Variants in GALNTL6 observed in about 807,000 individuals in gnomAD.
GALNTL6 encodes polypeptide N-acetylgalactosaminyltransferase-like 6.
Under a neutral mutation model 73.7 loss-of-function variants are expected in GALNTL6, and 46 were observed. The ratio of observed to expected loss-of-function variants is 0.62; its 90% confidence interval spans 0.49 to 0.80. GALNTL6 has a LOEUF of 0.80. Among genes scored for constraint, GALNTL6 ranks in the 30% least tolerant of loss-of-function variants. GALNTL6 has a pLI of 0.00. For synonymous variants in GALNTL6, 259 were observed against 263.7 expected, an observed-to-expected ratio of 0.98 and a Z score of 0.17; for missense variants, 604 against 755.0, an observed-to-expected ratio of 0.80 and a Z score of 2.34.
In GALNTL6 at chr4:172,952,147, GCTGCGCAAGCAGCT is replaced by G. The variant is rs1335614617; in HGVS notation, c.1262_1275del (p.Leu421GlnfsTer18). 3 of 1,614,038 alleles carry G rather than the reference GCTGCGCAAGCAGCT, an allele frequency of 1.9e-6. No individual in the cohort carries two copies. Among genetic ancestry groups the G allele is most frequent in the Non-Finnish European group, 2.5e-6 (3 of 1,180,016 alleles). On this transcript the variant is annotated frameshift_variant, in exon 10 of 13. Coordinates refer to ENST00000506823, the MANE Select transcript of GALNTL6 (RefSeq NM_001034845.3). LOFTEE classifies it high-confidence loss of function. ...CGGGGGACATCTCTGCCCAGAAGGAGCTGCGCAAGCAGCTCAAGTGCAAGGACTTCAAATGGTTC... is the reference window on the plus strand; with the variant it reads ...CGGGGGACATCTCTGCCCAGAAGGAGCAAGTGCAAGGACTTCAAATGGTTC...
chr4:172,652,042 G>A (rs1740498184), intron 5 of GALNTL6, among the ~76,000 whole-genome samples: 1 of 152,166 alleles, frequency 6.6e-6, no homozygotes, highest in Admixed American at 6.5e-5. Flanking sequence ...ATACAGAGCT[G>A]CTAATATGAG....
chr4:172,931,284 T>A lies in GALNTL6; in HGVS notation c.1149+16T>A, dbSNP rs750275413. On this transcript the variant is annotated intron_variant, in intron 9 of 12. Transcript: ENST00000506823. ...CCTGGCAAGAGTGAGTAACTCAGCA[T>A]CAGAACAGACTGGGGTTGATATGGC... 22 of 1,425,124 alleles carry A rather than the reference T, an allele frequency of 1.5e-5. No individual in the cohort carries two copies. The highest frequency in any genetic ancestry group is 2.2e-5 in the Non-Finnish European group (22 of 1,007,550). The allele number at this position is 1,425,124 out of a possible 1,614,324, so 88.3% of individuals were successfully genotyped here.
At chr4:172,842,739 T>C (rs1183540096) in intron 7 of GALNTL6, among the ~76,000 whole-genome samples, 4 of 151,308 alleles carry the variant, frequency 2.6e-5, no homozygotes, top group Admixed American at 2.6e-4. Flanking sequence ...AGTAAGAGGG[T>C]TTCTCATATG....
intron 5 of GALNTL6, among the ~76,000 whole-genome samples, chr4:172,642,960 T>A (rs1486552581): frequency 6.6e-6 from 1 of 151,946 alleles, no homozygotes; most frequent in Non-Finnish European, 1.5e-5. Context: ...GGTTAAATTA[T>A]ATAATTTCTG....
rs550989924 is a variant in GALNTL6 at position 172,149,616 on chromosome 4, G to A, written c.139-80040G>A. ...CTGCCACCGCCGAGCCCTGGTTTTC[G>A]CCCAAGTCACCGGGGGATGCTTCCA... On this transcript the variant is annotated intron_variant, in intron 2 of 12. Coordinates refer to ENST00000506823, the MANE Select transcript of GALNTL6 (RefSeq NM_001034845.3). 2.6e-5 allele frequency among the ~76,000 whole-genome samples: 4 copies of A among 152,156 alleles called. No homozygotes were observed. In the East Asian group the frequency reaches 5.8e-4, roughly 22 times the overall value.
intron 7 of GALNTL6, among the ~76,000 whole-genome samples, chr4:172,854,186 C>T (rs1284676540): frequency 6.6e-6 from 1 of 152,162 alleles, no homozygotes; most frequent in East Asian, 1.9e-4. Context: ...GAGGAAGACT[C>T]CCCTCCTCGT....
intron 10 of GALNTL6, among the ~76,000 whole-genome samples, chr4:172,956,766 G>A (rs1039729474): frequency 2.0e-5 from 3 of 152,188 alleles, no homozygotes; most frequent in Non-Finnish European, 4.4e-5. Flanking sequence ...TAAAAGTATT[G>A]TCCAGTCCTT....
chr4:172,894,983 T>C (rs1451014374), intron 8 of GALNTL6, among the ~76,000 whole-genome samples: 2 of 151,740 alleles, frequency 1.3e-5, no homozygotes, highest in African/African-American at 4.8e-5. Flanking sequence ...AAGTCTCTTT[T>C]GTGTGACATC....
intron 2 of GALNTL6, among the ~76,000 whole-genome samples, chr4:172,006,454 C>A (rs1226633013): frequency 6.6e-6 from 1 of 151,900 alleles, no homozygotes; most frequent in Non-Finnish European, 1.5e-5. Context: ...ATAGTGAGAC[C>A]CTTTCTTTAC....
At chr4:172,335,714 T>A (rs1425793755) in intron 4 of GALNTL6, among the ~76,000 whole-genome samples, 1 of 152,168 alleles carries the variant, frequency 6.6e-6, no homozygotes, top group African/African-American at 2.4e-5. Flanking sequence ...TTCCTCTAGG[T>A]TTTCCAGTTT....
At chr4:171,926,302 T>C (rs2110988295) in intron 2 of GALNTL6, among the ~76,000 whole-genome samples, 1 of 152,314 alleles carries the variant, frequency 6.6e-6, no homozygotes, top group African/African-American at 2.4e-5. Flanking sequence ...ATGCAATTTT[T>C]CACTGAACAT....
intron 8 of GALNTL6, among the ~76,000 whole-genome samples, chr4:172,921,022 G>C (rs984400888): frequency 6.6e-6 from 1 of 152,200 alleles, no homozygotes; most frequent in African/African-American, 2.4e-5. Context: ...ACTTGAAGGA[G>C]ATGAGGGAAC....
intron 2 of GALNTL6, among the ~76,000 whole-genome samples, chr4:172,192,106 G>C (rs1179543989): frequency 1.3e-5 from 2 of 151,978 alleles, no homozygotes; most frequent in Non-Finnish European, 2.9e-5. Context: ...TTGCAAATTT[G>C]AAAGTGGTGT....
chr4:172,816,412 G>A (rs11733741), intron 7 of GALNTL6, among the ~76,000 whole-genome samples: 3,485 of 152,184 alleles, frequency 0.023, 47 homozygotes, highest in Non-Finnish European at 0.032. Context: ...AATTAGTGGG[G>A]CATTAACAGT....
intron 2 of GALNTL6, among the ~76,000 whole-genome samples, chr4:171,824,381 G>T (rs1016267699): frequency 5.3e-5 from 8 of 151,908 alleles, no homozygotes; most frequent in Non-Finnish European, 7.4e-5. Flanking sequence ...ACTACTCAAA[G>T]ACCTTGGACA....
chr4:172,658,149 CAAA>C (rs58279803), intron 5 of GALNTL6, among the ~76,000 whole-genome samples: 6 of 5,012 alleles, frequency 1.2e-3, no homozygotes, highest in South Asian at 0.014. Flanking sequence ...GACTCCGTCT[CAAA>C]AAAAAAAAAA....
intron 11 of GALNTL6, among the ~76,000 whole-genome samples, chr4:173,017,993 C>T (rs1368931861): frequency 1.3e-5 from 2 of 152,180 alleles, no homozygotes; most frequent in African/African-American, 4.8e-5. Context: ...GCCTGATTTT[C>T]CCTAACTGAC....
At chr4:172,310,520 C>T (rs923893195) in intron 3 of GALNTL6, among the ~76,000 whole-genome samples, 4 of 152,126 alleles carry the variant, frequency 2.6e-5, no homozygotes, top group Non-Finnish European at 4.4e-5. Flanking sequence ...ATCAGCCTGC[C>T]TTGACCTCCC....
At chr4:172,431,968 T>C (rs573514209) in intron 5 of GALNTL6, among the ~76,000 whole-genome samples, 4 of 152,268 alleles carry the variant, frequency 2.6e-5, no homozygotes, top group African/African-American at 9.6e-5. Context: ...AGTTATCCAA[T>C]AGCAGCATTC....
Sources: allele counts gnomAD v4.1 joint callset (sites outside exome capture counted in the v4.1 genomes callset), GRCh38; gene constraint gnomAD v4.1.1; transcripts MANE v1.5; gene names NCBI Gene and HGNC (gene_info 2026-07-23, HGNC 2026-07-21).